Variants in HSD17B12 observed in about 807,000 individuals in gnomAD.
HSD17B12 encodes very-long-chain 3-oxoacyl-CoA reductase.
HSD17B12 carries 32 observed loss-of-function variants against 39.3 expected under a neutral mutation model. The ratio of observed to expected loss-of-function variants is 0.81; its 90% CI spans 0.61 to 1.09. HSD17B12 has a LOEUF of 1.09. HSD17B12 is among the 50% of genes least tolerant of loss of function. The pLI is 0.00. For synonymous variants in HSD17B12, 150 were observed against 146.7 expected, an observed-to-expected ratio of 1.02 and a Z score of -0.16; for missense variants, 342 against 382.9, an observed-to-expected ratio of 0.89 and a Z score of 0.89.
At chr11:43,688,355 G>A (rs1949821418) in intron 1 of HSD17B12, among the ~76,000 whole-genome samples, 1 of 152,206 alleles carries the variant, frequency 6.6e-6, no homozygotes, top group African/African-American at 2.4e-5. Context: ...GGTATGGGAA[G>A]TTCTTCTCTT....
chr11:43,633,969 G>A, the HSD17B12 span, among the ~76,000 whole-genome samples: 2 of 150,718 alleles, frequency 1.3e-5, no homozygotes, highest in Admixed American at 1.3e-4. Context: ...AGCTACTTGG[G>A]AGGGTGAGGC....
At chr11:43,752,773 G>A (rs1012131731) in intron 2 of HSD17B12, among the ~76,000 whole-genome samples, 2 of 151,970 alleles carry the variant, frequency 1.3e-5, no homozygotes, top group Non-Finnish European at 2.9e-5. Context: ...TTAAGATGGT[G>A]TTTTTCTATA....
At chr11:43,759,908 T>A (rs1007810490) in intron 3 of HSD17B12, among the ~76,000 whole-genome samples, 15 of 151,558 alleles carry the variant, frequency 9.9e-5, no homozygotes, top group East Asian at 1.9e-4. Context: ...TTTTTTTTTT[T>A]AAATTGAGAC....
chr11:43,729,516 A>G (rs145077443), intron 1 of HSD17B12, among the ~76,000 whole-genome samples: 198 of 152,336 alleles, frequency 1.3e-3, no homozygotes, highest in Admixed American at 0.012. Flanking sequence ...TTTGCTGGAG[A>G]CCAGGAAATT....
At chr11:43,649,526 GA>G in the HSD17B12 span, among the ~76,000 whole-genome samples, 2 of 151,974 alleles carry the variant, frequency 1.3e-5, no homozygotes, top group South Asian at 2.1e-4. Context: ...TAAATCAATA[GA>G]AAAAAATGGA....
chr11:43,815,530 C>T (rs1951114124), intron 5 of HSD17B12, 29 bp downstream of exon 5: 1 of 1,341,896 alleles, frequency 7.5e-7, no homozygotes, highest in Middle Eastern at 1.8e-4. Context: ...ATTATGGTAA[C>T]AAAAATAATG....
chr11:43,728,429 C>T (rs1229622965), intron 1 of HSD17B12, among the ~76,000 whole-genome samples: 1 of 151,652 alleles, frequency 6.6e-6, no homozygotes, highest in Non-Finnish European at 1.5e-5. Flanking sequence ...AAAAACATTA[C>T]ACAAGAAATA....
chr11:43,581,856 C>T, the HSD17B12 span, among the ~76,000 whole-genome samples: 1 of 152,222 alleles, frequency 6.6e-6, no homozygotes, highest in Non-Finnish European at 1.5e-5. The surrounding 1 kb of genome is among the most constrained non-coding windows in gnomAD (Gnocchi z 4.9). Context: ...GAGCTTAAGG[C>T]CAAGTCAGAA....
intron 1 of HSD17B12, among the ~76,000 whole-genome samples, chr11:43,736,700 C>T (rs890578243): frequency 6.6e-6 from 1 of 152,128 alleles, no homozygotes; most frequent in African/African-American, 2.4e-5. Flanking sequence ...GCATCACTTT[C>T]ACTGTTTGTC....
At chr11:43,588,793 C>T in the HSD17B12 span, among the ~76,000 whole-genome samples, 1 of 151,562 alleles carries the variant, frequency 6.6e-6, no homozygotes, top group Non-Finnish European at 1.5e-5. Flanking sequence ...CTGCCAGTGC[C>T]CAGGATTACC....
the HSD17B12 span, among the ~76,000 whole-genome samples, chr11:43,568,008 T>A: frequency 6.6e-6 from 1 of 152,196 alleles, no homozygotes; most frequent in South Asian, 2.1e-4. Context: ...TCTCATCACC[T>A]AATATAAAGA....
At chr11:43,758,756 C>G (rs1467491495) in intron 3 of HSD17B12, among the ~76,000 whole-genome samples, 1 of 152,134 alleles carries the variant, frequency 6.6e-6, no homozygotes, top group Non-Finnish European at 1.5e-5. Flanking sequence ...CTGCCAAACT[C>G]AAATGTAGCC....
chr11:43,816,124 A>G (rs1313661562), intron 5 of HSD17B12, among the ~76,000 whole-genome samples: 9 of 152,180 alleles, frequency 5.9e-5, no homozygotes. Flanking sequence ...TTGCACATAC[A>G]CTTTGGATTC....
the HSD17B12 span, among the ~76,000 whole-genome samples, chr11:43,635,940 A>G: frequency 7.2e-5 from 11 of 152,362 alleles, no homozygotes; most frequent in East Asian, 1.7e-3. Flanking sequence ...GAAAGGAAAT[A>G]TACCTCAAAT....
upstream of HSD17B12, among the ~76,000 whole-genome samples, chr11:43,676,592 C>G (rs541943848): frequency 2.6e-5 from 4 of 152,148 alleles, no homozygotes; most frequent in Non-Finnish European, 5.9e-5. Context: ...GAGAATTGCC[C>G]ATTTGCTCAC....
chr11:43,827,956 T>C (rs1224646965), intron 6 of HSD17B12, among the ~76,000 whole-genome samples: 1 of 152,192 alleles, frequency 6.6e-6, no homozygotes, highest in Non-Finnish European at 1.5e-5. Flanking sequence ...TTAAGTGTGA[T>C]ATAACATATA....
intron 1 of HSD17B12, among the ~76,000 whole-genome samples, chr11:43,729,658 G>A (rs1473637542): frequency 6.6e-6 from 1 of 152,202 alleles, no homozygotes; most frequent in Admixed American, 6.5e-5. Flanking sequence ...TTGAAGGGAG[G>A]AAAGTATGCT....
chr11:43,676,747 T>A (rs887159149), upstream of HSD17B12, among the ~76,000 whole-genome samples: 6 of 152,212 alleles, frequency 3.9e-5, no homozygotes, highest in African/African-American at 1.4e-4. Flanking sequence ...TTAGGTCCTA[T>A]GGATTCACAG....
chr11:43,682,046 C>T (rs543446540), intron 1 of HSD17B12, among the ~76,000 whole-genome samples: 1 of 152,056 alleles, frequency 6.6e-6, no homozygotes, highest in African/African-American at 2.4e-5. Context: ...GCAGACTGGG[C>T]TCAGGTAAGA....
Sources: allele counts gnomAD v4.1 joint callset (sites outside exome capture counted in the v4.1 genomes callset), GRCh38; gene constraint gnomAD v4.1.1; non-coding constraint Gnocchi (gnomAD v3.1); transcripts MANE v1.5; gene names NCBI Gene and HGNC (gene_info 2026-07-23, HGNC 2026-07-21).